The following EYS variants were observed in gnomAD, a reference collection of about 807,000 sequenced individuals.
EYS encodes protein eyes shut homolog.
A neutral mutation model predicts 282.1 loss-of-function variants in EYS; 250 were observed. The ratio of observed to expected loss-of-function variants is 0.89; its 90% confidence interval spans 0.80 to 0.98. The LOEUF is 0.98. Among genes scored for constraint, EYS ranks in the 50% least tolerant of loss-of-function variants. The pLI, the probability that EYS is intolerant of heterozygous loss-of-function variation, is 0.00. For missense variants in EYS, 4,016 were observed against 3,709.0 expected, an observed-to-expected ratio of 1.08 and a Z score of -2.15; for synonymous variants, 1,355 against 1,282.9, an observed-to-expected ratio of 1.06 and a Z score of -1.20.
intron 2 of EYS, among the ~76,000 whole-genome samples, chr6:65,521,036 C>T (rs1767348586): frequency 6.6e-6 from 1 of 152,024 alleles, no homozygotes; most frequent in Admixed American, 6.6e-5. Context: ...AAGGTTGACA[C>T]CAAAAAATTA....
At chr6:64,838,561 A>G (rs1765458327) in intron 19 of EYS, among the ~76,000 whole-genome samples, 1 of 151,688 alleles carries the variant, frequency 6.6e-6, no homozygotes, top group East Asian at 1.9e-4. Context: ...GTTAGACTAA[A>G]TGATATGTAA....
At chr6:64,167,915 AAC>A (rs760259825) in intron 31 of EYS, among the ~76,000 whole-genome samples, 9 of 151,998 alleles carry the variant, frequency 5.9e-5, no homozygotes, top group Admixed American at 1.3e-4. Context: ...ATTAGAAAAA[AAC>A]ACAAAATGAT....
chr6:65,443,352 A>G (rs1031585825), intron 5 of EYS, among the ~76,000 whole-genome samples: 1 of 132,568 alleles, frequency 7.5e-6, no homozygotes, highest in Admixed American at 8.1e-5. Flanking sequence ...ACATATAGAC[A>G]TATATGCATA....
At chr6:65,156,952 C>T (rs941771799) in intron 12 of EYS, among the ~76,000 whole-genome samples, 1 of 150,898 alleles carries the variant, frequency 6.6e-6, no homozygotes, top group African/African-American at 2.4e-5. Context: ...TCTATTTTAG[C>T]CACTCAATTC....
At chr6:65,165,039 T>C (rs1764939834) in intron 12 of EYS, among the ~76,000 whole-genome samples, 1 of 151,288 alleles carries the variant, frequency 6.6e-6, no homozygotes, top group African/African-American at 2.4e-5. Flanking sequence ...CATATAACTT[T>C]AGGGGTACAC....
intron 1 of EYS, among the ~76,000 whole-genome samples, chr6:65,656,644 A>G (rs2149822602): frequency 6.6e-6 from 1 of 152,030 alleles, no homozygotes; most frequent in South Asian, 2.1e-4. Context: ...AGAAGTTTGA[A>G]ACTAGCAGAT....
chr6:63,879,362 A>C (rs1213750959), intron 35 of EYS, among the ~76,000 whole-genome samples: 3 of 152,208 alleles, frequency 2.0e-5, no homozygotes, highest in Admixed American at 2.0e-4. Flanking sequence ...ATAATTAAGA[A>C]AACCTCTGGA....
chr6:63,885,799 A>G lies in EYS; in HGVS notation c.7056-21441T>C, dbSNP rs574619067. Among the ~76,000 whole-genome samples the G allele has an allele frequency of 1.1e-3, 174 of 152,222 alleles. 1 individual carries two copies. Among genetic ancestry groups the G allele is most frequent in the Non-Finnish European group, 1.9e-3 (131 of 67,978 alleles). On this transcript the variant is annotated intron_variant, in intron 35 of 42. Transcript: ENST00000503581. ...ATTCCCTTTGCAAGAACTTGACCCA[A>G]TTCGGGACTAAAAAGAAAATCTTTA... is the stretch of plus-strand genomic sequence containing the variant.
intron 26 of EYS, among the ~76,000 whole-genome samples, chr6:64,481,080 G>A (rs1776422350): frequency 6.6e-6 from 1 of 150,918 alleles, no homozygotes; most frequent in Non-Finnish European, 1.5e-5. Flanking sequence ...CCTTAAATAT[G>A]ACTTATTTTG....
intron 32 of EYS, among the ~76,000 whole-genome samples, chr6:64,077,784 T>C (rs1771822775): frequency 6.6e-6 from 1 of 152,020 alleles, no homozygotes; most frequent in South Asian, 2.1e-4. Context: ...ATAGAGCTCA[T>C]TTTCTGAAAG....
chr6:64,950,021 T>A (rs1377153535), intron 14 of EYS, among the ~76,000 whole-genome samples: 1 of 151,908 alleles, frequency 6.6e-6, no homozygotes, highest in Non-Finnish European at 1.5e-5. Context: ...GGCTCAAACC[T>A]ATTCATCAAT....
At chr6:64,384,192 T>C (rs1467800131) in intron 29 of EYS, among the ~76,000 whole-genome samples, 1 of 152,240 alleles carries the variant, frequency 6.6e-6, no homozygotes, top group Non-Finnish European at 1.5e-5. Flanking sequence ...TGTAAGTCAA[T>C]GTCTTGAACA....
At chr6:65,704,414 T>C (rs1769798537) in intron 1 of EYS, among the ~76,000 whole-genome samples, 2 of 152,228 alleles carry the variant, frequency 1.3e-5, no homozygotes, top group Non-Finnish European at 2.9e-5. Flanking sequence ...CATGCTCGAT[T>C]ACTCTGCTAA....
intron 29 of EYS, among the ~76,000 whole-genome samples, chr6:64,374,494 T>A (rs911976201): frequency 2.1e-5 from 3 of 141,254 alleles, no homozygotes; most frequent in African/African-American, 9.6e-5. Flanking sequence ...TGAATGCCCC[T>A]GGGCACTCTC....
intron 14 of EYS, among the ~76,000 whole-genome samples, chr6:64,974,785 G>T (rs779954983): frequency 2.0e-5 from 3 of 151,756 alleles, no homozygotes; most frequent in Non-Finnish European, 2.9e-5. Flanking sequence ...AAAGAACAAG[G>T]ACTTTTCACG....
At chr6:64,633,334 G>T (rs544433748) in intron 22 of EYS, among the ~76,000 whole-genome samples, 1 of 152,154 alleles carries the variant, frequency 6.6e-6, no homozygotes, top group Non-Finnish European at 1.5e-5. Context: ...CCTTTTTATA[G>T]ATGATATTAT....
intron 26 of EYS, among the ~76,000 whole-genome samples, chr6:64,503,456 TA>T (rs1417620718): frequency 1.3e-5 from 2 of 152,222 alleles, no homozygotes; most frequent in Non-Finnish European, 2.9e-5. Context: ...TAAGCTTTTT[TA>T]AAACTGCTTC....
At chr6:65,438,171 A>G (rs1344721315) in intron 5 of EYS, among the ~76,000 whole-genome samples, 1 of 151,898 alleles carries the variant, frequency 6.6e-6, no homozygotes, top group Non-Finnish European at 1.5e-5. Flanking sequence ...CCATGTCCCT[A>G]CAAAGGACAT....
intron 31 of EYS, among the ~76,000 whole-genome samples, chr6:64,089,981 C>T (rs1461534047): frequency 2.6e-5 from 4 of 152,084 alleles, no homozygotes; most frequent in Admixed American, 6.6e-5. Context: ...CCTGATTTCT[C>T]TGTTAACAGT....
Sources: gnomAD v4.1 joint callset for allele counts (sites outside exome capture counted in the v4.1 genomes callset) on GRCh38, gnomAD v4.1.1 for gene constraint, MANE v1.5 for transcripts, NCBI Gene and HGNC (gene_info 2026-07-23, HGNC 2026-07-21) for gene names.